IFT74: variants seen among roughly 807,000 people sequenced by gnomAD.
The protein encoded by IFT74 is intraflagellar transport protein 74 homolog.
IFT74 carries 92 observed loss-of-function variants against 96.7 expected under a neutral mutation model. The ratio of observed to expected loss-of-function variants is 0.95; its 90% CI spans 0.80 to 1.13. The LOEUF is 1.13. Among genes scored for constraint, IFT74 ranks in the 50% most tolerant of loss-of-function variants. The pLI is 0.00. For synonymous variants in IFT74, 223 were observed against 213.2 expected (o/e 1.05, Z -0.40); for missense variants, 811 against 698.2 (o/e 1.16, Z -1.82).
chr9:26,981,561 T>C (rs1168281598), intron 4 of IFT74, among the ~76,000 whole-genome samples: 1 of 151,890 alleles, frequency 6.6e-6, no homozygotes, highest in Non-Finnish European at 1.5e-5. Flanking sequence ...ATTACAGGCG[T>C]TTGCCACCAC....
chr9:26,998,043 C>G (rs763353925), intron 8 of IFT74: 12 of 1,613,490 alleles, frequency 7.4e-6, no homozygotes, highest in Non-Finnish European at 1.0e-5. Flanking sequence ...GAGAGGTTAC[C>G]AAAACCGTTA....
At chr9:26,990,693 A>G (rs1325951495) in intron 8 of IFT74, among the ~76,000 whole-genome samples, 2 of 152,230 alleles carry the variant, frequency 1.3e-5, no homozygotes, top group African/African-American at 4.8e-5. Context: ...AACGCTGGAA[A>G]TAACGTAATT....
chr9:27,014,385 A>C (rs544112571), intron 10 of IFT74, among the ~76,000 whole-genome samples: 12 of 152,074 alleles, frequency 7.9e-5, no homozygotes, highest in South Asian at 4.2e-4. Flanking sequence ...TCTTTTTTGG[A>C]GTGGGTTTGA....
At chr9:26,980,271 C>G (rs1460385954) in intron 3 of IFT74, among the ~76,000 whole-genome samples, 1 of 152,204 alleles carries the variant, frequency 6.6e-6, no homozygotes, top group African/African-American at 2.4e-5. Flanking sequence ...TTACTCTGGA[C>G]AGCTCTGTTC....
At chr9:26,949,373 A>G (rs1825864563) in intron 1 of IFT74, among the ~76,000 whole-genome samples, 1 of 152,194 alleles carries the variant, frequency 6.6e-6, no homozygotes, top group Admixed American at 6.5e-5. Context: ...AGCCCAACTC[A>G]ATGTAAACAG....
intron 10 of IFT74, 77 bp from the exon 11 acceptor site, chr9:27,016,830 C>T: frequency 8.5e-7 from 1 of 1,171,860 alleles, no homozygotes; most frequent in East Asian, 2.6e-5. Context: ...TACCCCCATT[C>T]TTATAAACTG....
chr9:27,041,588 C>T (rs1477219917), intron 13 of IFT74, among the ~76,000 whole-genome samples: 1 of 152,186 alleles, frequency 6.6e-6, no homozygotes, highest in Non-Finnish European at 1.5e-5. Context: ...TTGGTCTCCT[C>T]ATTGTTGATT....
intron 10 of IFT74, among the ~76,000 whole-genome samples, 190 bp downstream of exon 10, chr9:27,012,158 G>C (rs180711599): frequency 7.9e-5 from 12 of 152,186 alleles, no homozygotes; most frequent in Admixed American, 6.5e-5. Context: ...CAGTTATTGA[G>C]TACCTACTAT....
chr9:27,055,285 G>A (rs4621911), intron 16 of IFT74, among the ~76,000 whole-genome samples: 35,235 of 151,866 alleles, frequency 0.23, 5,050 homozygotes, highest in East Asian at 0.7. Context: ...TCATGCTTCT[G>A]TTAAAAATAA....
chr9:27,024,870 T>C (rs578188641), intron 12 of IFT74, among the ~76,000 whole-genome samples: 2 of 151,060 alleles, frequency 1.3e-5, no homozygotes, highest in Non-Finnish European at 1.5e-5. Context: ...GCAAAATACA[T>C]TGGAAAGTTT....
At chr9:26,982,449 GTA>G (rs770852750) in intron 4 of IFT74, 5 of 218,532 alleles carry the variant, frequency 2.3e-5, no homozygotes, top group Non-Finnish European at 3.4e-5. Flanking sequence ...GCTAATTTTT[GTA>G]TTTTTTTTTT....
intron 8 of IFT74, 70 bp from the exon 9 acceptor site, chr9:27,008,950 A>G (rs1446555473): frequency 1.3e-5 from 16 of 1,221,778 alleles, no homozygotes; most frequent in African/African-American, 3.0e-5. Flanking sequence ...TAGGACCATG[A>G]CTTGTATAAA....
chr9:26,952,477 A>G (rs1014996186), upstream of IFT74, among the ~76,000 whole-genome samples: 4 of 152,000 alleles, frequency 2.6e-5, no homozygotes, highest in Admixed American at 1.3e-4. Context: ...GGGTTTCACC[A>G]TGTTGGCCAG....
At chr9:26,998,106 A>C in intron 8 of IFT74, 2 of 1,613,436 alleles carry the variant, frequency 1.2e-6, no homozygotes, top group Non-Finnish European at 1.7e-6. Flanking sequence ...GTGAGTAAAA[A>C]GTATGTCTGT....
In IFT74 at chr9:26,980,881, C is replaced by T. The variant is rs72703103; in HGVS notation, c.305+262C>T. Among the ~76,000 whole-genome samples, 15,855 of 152,170 alleles carry T rather than the reference C, an allele frequency of 0.1. 895 individuals are homozygous for T. Among genetic ancestry groups the T allele is most frequent in the South Asian group, 0.24 (1,156 of 4,818 alleles). ...CATGTACATGAGCTATATTTTCCCT[C>T]AGTTTGTTTGTGCTGCTATAATAAA... On this transcript the variant is annotated intron_variant, in intron 4 of 19. Transcript: ENST00000380062.
At chr9:26,962,999 G>A (rs551221073) in intron 2 of IFT74, among the ~76,000 whole-genome samples, 2 of 144,580 alleles carry the variant, frequency 1.4e-5, no homozygotes, top group East Asian at 4.0e-4. Flanking sequence ...GGGTACATGT[G>A]CACATTGTGC....
At chr9:26,948,310 C>T (rs1825810672) in intron 1 of IFT74, among the ~76,000 whole-genome samples, 1 of 152,062 alleles carries the variant, frequency 6.6e-6, no homozygotes, top group Admixed American at 6.5e-5. Flanking sequence ...ATTAGTCCTA[C>T]TTAAATTATT....
chr9:27,056,837 G>A (rs1378158392), intron 18 of IFT74, among the ~76,000 whole-genome samples: 1 of 150,908 alleles, frequency 6.6e-6, no homozygotes, highest in African/African-American at 2.4e-5. Flanking sequence ...TGTTGCTTTA[G>A]TGTGGGTTCT....
At chr9:26,959,702 G>A (rs1826269245) in intron 1 of IFT74, among the ~76,000 whole-genome samples, 1 of 152,168 alleles carries the variant, frequency 6.6e-6, no homozygotes, top group Non-Finnish European at 1.5e-5. Context: ...TGCCCCAAAG[G>A]TGATGGAGTT....
Sources: allele counts gnomAD v4.1 joint callset (sites outside exome capture counted in the v4.1 genomes callset), GRCh38; gene constraint gnomAD v4.1.1; transcripts MANE v1.5; gene names NCBI Gene and HGNC (gene_info 2026-07-23, HGNC 2026-07-21).